MAP3K7: variants seen among roughly 807,000 people sequenced by gnomAD.
MAP3K7 encodes TGF-beta activated kinase 1.
Under a neutral mutation model 84.8 loss-of-function variants are expected in MAP3K7, and 21 were observed. The observed-to-expected ratio is 0.25, with a 90% CI of 0.18 to 0.36. MAP3K7 has a LOEUF of 0.36. Ranked by LOEUF, MAP3K7 falls within the 10% of genes least tolerant of loss-of-function variation. The pLI, the probability that MAP3K7 is intolerant of heterozygous loss-of-function variation, is 1.00. For missense variants in MAP3K7, 503 were observed against 747.7 expected, an observed-to-expected ratio of 0.67 and a Z score of 3.82; for synonymous variants, 241 against 247.7, an observed-to-expected ratio of 0.97 and a Z score of 0.25.
chr6:90,560,334 T>A lies in MAP3K7; in HGVS notation c.344-120A>T, dbSNP rs556011548. 9.7e-4 allele frequency: 940 copies of A among 964,560 alleles called. 1 individual carries two copies. Among genetic ancestry groups the A allele is most frequent in the Non-Finnish European group, 1.0e-3 (670 of 649,484 alleles). 59.8% of individuals were successfully genotyped at this position (964,560 alleles called of 1,614,324 possible). On this transcript the variant is annotated intron_variant, in intron 4 of 16. Transcript: ENST00000369329. The stretch of plus-strand genomic sequence containing the variant: ...TTTTTCTACATATACATATGCTCCA[T>A]CAGTCCTGCTTTTAATTTTTTACTT...
At chr6:90,584,140 T>G (rs1777367287) in intron 1 of MAP3K7, among the ~76,000 whole-genome samples, 1 of 152,206 alleles carries the variant, frequency 6.6e-6, no homozygotes, top group Admixed American at 6.5e-5. Flanking sequence ...GGTAATATTC[T>G]CATACAATAT....
At chr6:90,541,654 G>C (rs894262333) in intron 12 of MAP3K7, among the ~76,000 whole-genome samples, 15 of 151,952 alleles carry the variant, frequency 9.9e-5, no homozygotes, top group Middle Eastern at 3.2e-3. Context: ...AGGTATTAAA[G>C]GTTAATTTCT....
chr6:90,523,914 CCT>C, intron 13 of MAP3K7, 131 bp from the exon 14 acceptor site: 1 of 595,984 alleles, frequency 1.7e-6, no homozygotes, highest in Non-Finnish European at 3.0e-6. Context: ...CAAAATAAAT[CCT>C]CTCTTATATA....
intron 15 of MAP3K7, 98 bp downstream of exon 15, chr6:90,519,160 T>A: frequency 1.4e-6 from 1 of 739,554 alleles, no homozygotes; most frequent in Admixed American, 2.8e-5. Context: ...AAGGATAAAT[T>A]AAGGAGTGAC....
At chr6:90,556,358 TTTAATATCC>T in intron 6 of MAP3K7, 133 bp downstream of exon 6, 1 of 799,048 alleles carries the variant, frequency 1.3e-6, no homozygotes, top group Non-Finnish European at 1.9e-6. Context: ...TAACACTATA[TTTAATATCC>T]CCTTAGATTT....
intron 13 of MAP3K7, among the ~76,000 whole-genome samples, chr6:90,530,692 A>T (rs1267665301): frequency 6.6e-6 from 1 of 152,184 alleles, no homozygotes; most frequent in Non-Finnish European, 1.5e-5. Context: ...ATGTTTGTAT[A>T]AAAAAACTAA....
intron 14 of MAP3K7, among the ~76,000 whole-genome samples, chr6:90,521,508 G>A (rs1775149927): frequency 6.6e-6 from 1 of 152,000 alleles, no homozygotes; most frequent in Non-Finnish European, 1.5e-5. Context: ...CAGAGACTAT[G>A]CCAAGTCTTG....
rs984045411 is a variant in MAP3K7 at position 90,576,279 on chromosome 6, G to A, written c.121-4472C>T. ...TCTACTAAAAATACAAAAAATTAAC[G>A]GGGCGTGGTGGCAGGCACCTGTAAT... On this transcript the variant is annotated intron_variant, in intron 1 of 16. Coordinates refer to ENST00000369329, the MANE Select transcript of MAP3K7 (RefSeq NM_145331.3). Among the ~76,000 whole-genome samples, 26 of 151,698 alleles carry A rather than the reference G, an allele frequency of 1.7e-4. No homozygotes were observed. The East Asian group carries it at 4.3e-3, about 25-fold the overall frequency.
chr6:90,535,823 C>T (rs796567688), intron 13 of MAP3K7, among the ~76,000 whole-genome samples: 3 of 152,240 alleles, frequency 2.0e-5, no homozygotes, highest in East Asian at 3.9e-4. Context: ...AGAGTTTACA[C>T]ATTTGCTTAG....
chr6:90,544,402 T>C, intron 12 of MAP3K7, 150 bp downstream of exon 12: 1 of 644,410 alleles, frequency 1.6e-6, no homozygotes, highest in Non-Finnish European at 2.8e-6. Flanking sequence ...TCAGAATAAA[T>C]GTAGTTTTTC....
intron 1 of MAP3K7, among the ~76,000 whole-genome samples, chr6:90,578,666 G>C (rs1473305080): frequency 6.6e-6 from 1 of 152,104 alleles, no homozygotes; most frequent in African/African-American, 2.4e-5. Flanking sequence ...ATATACAATG[G>C]ATAAAGTTGT....
chr6:90,548,135 CT>C lies in MAP3K7; in HGVS notation c.991del (p.Ser331ValfsTer18). The C allele has an allele frequency of 6.2e-7, 1 of 1,612,050 alleles. No homozygotes were observed. The highest frequency in any genetic ancestry group is 8.5e-7 in the Non-Finnish European group (1 of 1,178,998). ...DIASTNTSNK[S>X]DTNMEQVPAT... Reference sequence around the variant, plus strand: ...AGGAACTTGCTCCATATTAGTGTCACTTTTGTTACTCGTATTTGTAGAAGCA... The same window carrying C: ...AGGAACTTGCTCCATATTAGTGTCACTTTGTTACTCGTATTTGTAGAAGCA... On this transcript the variant is annotated frameshift_variant, in exon 10 of 17. Transcript: ENST00000369329. LOFTEE classifies it high-confidence loss of function.
At chr6:90,577,959 T>G (rs1582242965) in intron 1 of MAP3K7, among the ~76,000 whole-genome samples, 1 of 152,190 alleles carries the variant, frequency 6.6e-6, no homozygotes, top group African/African-American at 2.4e-5. Flanking sequence ...GTTTATATTA[T>G]TTGTGGAAGC....
At chr6:90,539,917 T>C (rs1775802638) in intron 12 of MAP3K7, among the ~76,000 whole-genome samples, 1 of 151,938 alleles carries the variant, frequency 6.6e-6, no homozygotes, top group Non-Finnish European at 1.5e-5. Flanking sequence ...TTACTACTTA[T>C]CATACTGTTA....
At chr6:90,575,754 G>C (rs1163555562) in intron 1 of MAP3K7, among the ~76,000 whole-genome samples, 2 of 152,146 alleles carry the variant, frequency 1.3e-5, no homozygotes, top group African/African-American at 2.4e-5. Flanking sequence ...TGGTCAGCAA[G>C]CAGGGAGAAC....
In MAP3K7 at chr6:90,514,110, T is replaced by TA. The variant is rs1424213181; in HGVS notation, c.*2390dup. 2.0e-5 allele frequency: 3 copies of TA among 152,032 alleles called. No homozygotes were observed. Among genetic ancestry groups the TA allele is most frequent in the Non-Finnish European group, 4.4e-5 (3 of 67,964 alleles). 9.4% of individuals were successfully genotyped at this position (152,032 alleles called of 1,614,324 possible). A position where few individuals can be genotyped will look rare whatever the true frequency, so the allele number is the denominator to read the frequency against. On this transcript the variant is annotated 3_prime_UTR_variant, in exon 17 of 17. Transcript: ENST00000369329. ...ACTCAGTGATTGTTTTTGAATTTCT[T>TA]AGACTGGGGCATTCCAGCCACTTGC...
chr6:90,527,788 C>T (rs987489448), intron 13 of MAP3K7, among the ~76,000 whole-genome samples: 27 of 151,240 alleles, frequency 1.8e-4, no homozygotes, highest in African/African-American at 6.0e-4. Context: ...ACATTATATA[C>T]ATTCTTGTCT....
chr6:90,560,147 A>G lies in MAP3K7; in HGVS notation c.411T>C (p.Cys137=). ...AAHAMSWCLQ[C]SQGVAYLHSM... ...TGTGAAGATAAGCCACTCCTTGGGA[A>G]CACTGTAAACACCAACTCATTGCGT... Residue 137 remains cysteine, a synonymous_variant, in exon 5 of 17, where the codon TGT becomes TGC. Coordinates refer to ENST00000369329, the MANE Select transcript of MAP3K7 (RefSeq NM_145331.3). 4 of 1,614,228 alleles carry G rather than the reference A, an allele frequency of 2.5e-6. No homozygotes were observed. Among genetic ancestry groups the G allele is most frequent in the Non-Finnish European group, 3.4e-6 (4 of 1,180,036 alleles).
At chr6:90,548,019 C>T in intron 10 of MAP3K7, 28 bp downstream of exon 10, 1 of 1,585,836 alleles carries the variant, frequency 6.3e-7, no homozygotes, top group Non-Finnish European at 8.6e-7. Flanking sequence ...GTAAGGTTAC[C>T]AGTTTTACTT....
Sources: allele counts gnomAD v4.1 joint callset (sites outside exome capture counted in the v4.1 genomes callset), GRCh38; gene constraint gnomAD v4.1.1; transcripts MANE v1.5; gene names NCBI Gene and HGNC (gene_info 2026-07-23, HGNC 2026-07-21).